SMYD4: variants seen among roughly 807,000 people sequenced by gnomAD.
The protein encoded by SMYD4 is SET and MYND domain containing 4, also known as protein-lysine N-methyltransferase SMYD4.
In SMYD4, 68 loss-of-function variants were observed where a neutral mutation model predicts 72.8. That is an observed-to-expected ratio of 0.93 (90% confidence interval 0.77 to 1.14). The LOEUF (loss-of-function observed/expected upper bound fraction) is 1.14, where lower values mean the gene tolerates loss of function less well. Ranked by LOEUF, SMYD4 falls within the 50% of genes most tolerant of loss-of-function variation. The pLI, the probability that SMYD4 is intolerant of heterozygous loss-of-function variation, is 0.00. For synonymous variants in SMYD4, 407 were observed against 388.6 expected, an observed-to-expected ratio of 1.05 and a Z score of -0.56; for missense variants, 984 against 1,003.7, an observed-to-expected ratio of 0.98 and a Z score of 0.27.
chr17:1,804,810 G>T, intron 3 of SMYD4, 95 bp from the exon 4 acceptor site: 1 of 1,221,230 alleles, frequency 8.2e-7, no homozygotes, highest in Non-Finnish European at 1.2e-6. Context: ...TGAAGACTGT[G>T]TGAAACTGGG....
At chr17:1,794,091 A>ATG (rs1456702302) in intron 5 of SMYD4, among the ~76,000 whole-genome samples, 3 of 20,294 alleles carry the variant, frequency 1.5e-4, no homozygotes, top group Non-Finnish European at 3.3e-4. Flanking sequence ...GTATATATAT[A>ATG]TATATATATA....
intron 10 of SMYD4, 22 bp from the exon 11 acceptor site, chr17:1,781,461 G>C (rs747531915): frequency 6.2e-6 from 10 of 1,608,504 alleles, no homozygotes; most frequent in Non-Finnish European, 8.5e-6. Flanking sequence ...GAGGTAAGAG[G>C]AGTTAGTTCA....
At chr17:1,785,866 G>T (rs1908661006) in intron 7 of SMYD4, among the ~76,000 whole-genome samples, 1 of 151,918 alleles carries the variant, frequency 6.6e-6, no homozygotes, top group African/African-American at 2.4e-5. Flanking sequence ...TAACACAACC[G>T]GCTCTGCCTT....
chr17:1,808,764 T>C (rs906627733), intron 3 of SMYD4, among the ~76,000 whole-genome samples: 7 of 152,224 alleles, frequency 4.6e-5, no homozygotes, highest in Admixed American at 4.6e-4. Flanking sequence ...ATGATGCACA[T>C]ACATAAAGTT....
rs1162231054 is a variant in SMYD4 at position 1,781,332 on chromosome 17, G to T, written c.2369C>A (p.Ser790Tyr). ...GGTGGGTGGTAAGTCCAACAAACAG[G>T]ATTTCATCTTCTGGAGCTCCTGGAT... ...DEIQELQKMK[S>Y]CLLDLPPTPV... is the part of the protein sequence containing the mutation. The change falls in exon 11 of 11, where the codon TCC becomes TAC. Residue 790 changes from serine to tyrosine, a missense_variant. Physicochemically the swap from Ser to Tyr is moderately radical, Grantham distance 144. Coordinates refer to ENST00000305513, the MANE Select transcript of SMYD4 (RefSeq NM_052928.3). 26 of 1,613,806 alleles carry T rather than the reference G, an allele frequency of 1.6e-5. 1 individual carries two copies. Among genetic ancestry groups the T allele is most frequent in the Non-Finnish European group, 2.0e-5 (24 of 1,180,042 alleles).
chr17:1,806,194 A>G lies in SMYD4; in HGVS notation c.280-1479T>C, dbSNP rs374214953. On this transcript the variant is annotated intron_variant, in intron 3 of 10. Transcript: ENST00000305513. ...CTCGCCTCGGCCTCCCAACAAATAC[A>G]TGAAATTCTTTAATGTAAAAACAAA... Among the ~76,000 whole-genome samples, 507 of 152,240 alleles carry G rather than the reference A, an allele frequency of 3.3e-3. 2 individuals are homozygous for G. Among genetic ancestry groups the G allele is most frequent in the African/African-American group, 0.012 (483 of 41,554 alleles).
At chr17:1,790,779 T>G (rs1908976825) in intron 5 of SMYD4, among the ~76,000 whole-genome samples, 1 of 151,774 alleles carries the variant, frequency 6.6e-6, no homozygotes, top group Admixed American at 6.6e-5. Context: ...CCTCCCAAAG[T>G]GCTGGCTAAG....
intron 3 of SMYD4, among the ~76,000 whole-genome samples, chr17:1,808,374 G>GA (rs1910151653): frequency 6.6e-6 from 1 of 152,146 alleles, no homozygotes; most frequent in Non-Finnish European, 1.5e-5. Context: ...TCACAAAAGA[G>GA]AAAGTGCAGC....
intron 3 of SMYD4, among the ~76,000 whole-genome samples, chr17:1,805,279 A>C (rs2151239256): frequency 6.6e-6 from 1 of 151,804 alleles, no homozygotes; most frequent in South Asian, 2.1e-4. Flanking sequence ...ATAGCAGGGC[A>C]TGGTAATGTG....
At chr17:1,796,245 T>C (rs1909399048) in intron 5 of SMYD4, among the ~76,000 whole-genome samples, 1 of 150,744 alleles carries the variant, frequency 6.6e-6, no homozygotes, top group African/African-American at 2.4e-5. Flanking sequence ...GCAATCCTCC[T>C]GCCTCAGCTT....
intron 2 of SMYD4, among the ~76,000 whole-genome samples, chr17:1,812,842 C>G (rs568876089): frequency 6.6e-6 from 1 of 151,970 alleles, no homozygotes; most frequent in African/African-American, 2.4e-5. Context: ...AGCCACCGCA[C>G]CTGGCCAGAA....
chr17:1,824,456 C>T (rs1037406105), intron 2 of SMYD4, among the ~76,000 whole-genome samples: 1 of 152,068 alleles, frequency 6.6e-6, no homozygotes, highest in Non-Finnish European at 1.5e-5. Flanking sequence ...AGTGATATGG[C>T]GTGGCTGTGT....
intron 2 of SMYD4, among the ~76,000 whole-genome samples, chr17:1,815,214 C>T (rs145063745): frequency 7.9e-5 from 12 of 151,950 alleles, no homozygotes; most frequent in Admixed American, 2.0e-4. Flanking sequence ...CAGGTGCCCG[C>T]CACCACACCC....
At chr17:1,818,056 A>AAAAAG (rs1221340022) in intron 2 of SMYD4, among the ~76,000 whole-genome samples, 2 of 151,804 alleles carry the variant, frequency 1.3e-5, no homozygotes, top group Non-Finnish European at 2.9e-5. Flanking sequence ...CAAAAAAAAA[A>AAAAAG]AAAAAAAAAG....
rs753215649 is a variant in SMYD4, at chr17:1,800,705, T to C, written c.689A>G (p.Asn230Ser). The part of the protein sequence containing the change: ...ALREENEQLS[N>S]ASSSIGLCVD... ...GCATAAGCCGATGGATGATGAGGCA[T>C]TGGAAAGTTGTTCATTCTCCTCCCT... The change falls in exon 5 of 11, where the codon AAT becomes AGT. Residue 230 changes from asparagine to serine, a missense_variant. Physicochemically the swap from Asn to Ser is conservative, Grantham distance 46. Transcript: ENST00000305513. The C allele has an allele frequency of 3.1e-6, 5 of 1,614,224 alleles. No individual in the cohort carries two copies. Among genetic ancestry groups the C allele is most frequent in the South Asian group, 2.2e-5 (2 of 91,080 alleles).
intron 2 of SMYD4, among the ~76,000 whole-genome samples, chr17:1,820,581 C>T (rs1239646262): frequency 1.3e-5 from 2 of 152,082 alleles, no homozygotes; most frequent in Admixed American, 1.3e-4. Flanking sequence ...AGTCTTCGAG[C>T]ACGTCCTTGT....
chr17:1,822,418 A>C (rs1415727188), intron 2 of SMYD4, among the ~76,000 whole-genome samples: 1 of 152,172 alleles, frequency 6.6e-6, no homozygotes, highest in African/African-American at 2.4e-5. Flanking sequence ...AATTAAACTA[A>C]GGAAGGAAAA....
chr17:1,797,895 G>A (rs957984698), intron 5 of SMYD4, among the ~76,000 whole-genome samples: 14 of 151,954 alleles, frequency 9.2e-5, no homozygotes, highest in Admixed American at 4.6e-4. Flanking sequence ...CCAGTTACTC[G>A]GGAGGCTGGG....
chr17:1,787,374 CT>C (rs1279644358), intron 6 of SMYD4, 47 bp downstream of exon 6: 1 of 1,548,654 alleles, frequency 6.5e-7, no homozygotes, highest in Non-Finnish European at 8.7e-7. Flanking sequence ...CGTCCCCGTC[CT>C]TTTCTGTTGG....
Sources: allele counts gnomAD v4.1 joint callset (sites outside exome capture counted in the v4.1 genomes callset), GRCh38; gene constraint gnomAD v4.1.1; transcripts MANE v1.5; gene names NCBI Gene and HGNC (gene_info 2026-07-23, HGNC 2026-07-21).